ADARB2: variants seen among roughly 807,000 people sequenced by gnomAD.
ADARB2 encodes adenosine deaminase RNA specific B2 (inactive).
ADARB2 carries 25 observed loss-of-function variants against 62.2 expected under a neutral mutation model. The ratio of observed to expected loss-of-function variants is 0.40; its 90% CI spans 0.29 to 0.56. The LOEUF is 0.56. Among genes scored for constraint, ADARB2 ranks in the 20% least tolerant of loss-of-function variants. The pLI, the probability that ADARB2 is intolerant of heterozygous loss-of-function variation, is 0.43. For missense variants in ADARB2, 1,071 were observed against 1,077.4 expected (o/e 0.99, Z 0.08); for synonymous variants, 572 against 500.8 (o/e 1.14, Z -1.90).
At chr10:1,699,581 C>T in intron 1 of ADARB2, among the ~76,000 whole-genome samples, 4 of 138,736 alleles carry the variant, frequency 2.9e-5, no homozygotes, top group African/African-American at 1.1e-4. Context: ...CGCCAATACA[C>T]TCAATCCCAC....
rs1832407524 is a variant in ADARB2 at position 1,540,559 on chromosome 10, A to G, written c.101-161399T>C. Among the ~76,000 whole-genome samples, 2 of 75,154 alleles carry G rather than the reference A, an allele frequency of 2.7e-5. 1 individual carries two copies. Among genetic ancestry groups the G allele is most frequent in the East Asian group, 1.2e-3 (2 of 1,614 alleles). 49.3% of individuals were successfully genotyped at this position (75,154 alleles called of 152,430 possible). ...CAGACCCTGGATCACAGCCGTCCAG[A>G]CCCCACTCAGATGTAGTTCAGACCC... On this transcript the variant is annotated intron_variant, in intron 1 of 9. Transcript: ENST00000381312.
chr10:1,472,212 G>C (rs1350334429), intron 1 of ADARB2, among the ~76,000 whole-genome samples: 1 of 152,168 alleles, frequency 6.6e-6, no homozygotes, highest in Non-Finnish European at 1.5e-5. Flanking sequence ...TAGGGTCTCA[G>C]GAGGAGGTGC....
At chr10:1,687,270 C>T (rs926212146) in intron 1 of ADARB2, among the ~76,000 whole-genome samples, 2 of 152,162 alleles carry the variant, frequency 1.3e-5, no homozygotes, top group Non-Finnish European at 2.9e-5. Context: ...AAGTGATCCA[C>T]CCACCTCAGC....
At chr10:1,339,040 G>T (rs1356876143) in intron 3 of ADARB2, among the ~76,000 whole-genome samples, 1 of 152,198 alleles carries the variant, frequency 6.6e-6, no homozygotes, top group Non-Finnish European at 1.5e-5. Context: ...ATTTTGGTTG[G>T]ATAGGATGTA....
chr10:1,367,048 C>T (rs1343422026), intron 2 of ADARB2, among the ~76,000 whole-genome samples: 1 of 152,186 alleles, frequency 6.6e-6, no homozygotes, highest in Non-Finnish European at 1.5e-5. Flanking sequence ...GCCCCACGCT[C>T]CCCGCCCCTC....
At chr10:1,250,939 T>C (rs7100111) in intron 4 of ADARB2, among the ~76,000 whole-genome samples, 5,528 of 152,152 alleles carry the variant, frequency 0.036, 354 homozygotes, top group African/African-American at 0.13. Context: ...ACCCAACACG[T>C]GCAGGAATTT....
intron 2 of ADARB2, among the ~76,000 whole-genome samples, chr10:1,375,183 C>T (rs983650869): frequency 9.9e-5 from 15 of 152,216 alleles, no homozygotes; most frequent in Non-Finnish European, 1.5e-4. Context: ...GCCGGGCAGC[C>T]TTGGGCTCAG....
At chr10:1,597,749 A>G (rs1250249049) in intron 1 of ADARB2, among the ~76,000 whole-genome samples, 1 of 152,256 alleles carries the variant, frequency 6.6e-6, no homozygotes, top group East Asian at 1.9e-4. Flanking sequence ...ACTACCATTC[A>G]GTCCAGCAAT....
In ADARB2 at chr10:1,451,760, G is replaced by A. The variant is rs1021922302; in HGVS notation, c.101-72600C>T. On this transcript the variant is annotated intron_variant, in intron 1 of 9. Coordinates refer to ENST00000381312, the MANE Select transcript of ADARB2 (RefSeq NM_018702.4). Reference sequence around the variant, plus strand: ...GGAAGTATACCCGTATGAGGAGGAAGTACACCCATATGAGGAGGAAGTACA... The same window carrying A: ...GGAAGTATACCCGTATGAGGAGGAAATACACCCATATGAGGAGGAAGTACA... Among the ~76,000 whole-genome samples the A allele has an allele frequency of 2.0e-5, 3 of 152,198 alleles. No homozygotes were observed. The Middle Eastern group carries it at 0.01, about 518-fold the overall frequency.
At chr10:1,605,680 G>A (rs1416910129) in intron 1 of ADARB2, among the ~76,000 whole-genome samples, 1 of 152,140 alleles carries the variant, frequency 6.6e-6, no homozygotes, top group East Asian at 1.9e-4. Context: ...TATTGCCTGA[G>A]GAGGCAAAAC....
At position 1,242,180 on chromosome 10, in the gene ADARB2, G is replaced by T; in HGVS notation, c.1312C>A (p.Arg438=). 6.2e-7 allele frequency: 1 copy of T among 1,610,726 alleles called. No individual in the cohort carries two copies. Residue 438 remains arginine (R), a synonymous_variant, in exon 5 of 10, where the codon CGG becomes AGG. Transcript: ENST00000381312. ...TAGAGGAAGTGCAGGAACGCCCGCC[G>T]GGCCACGACCTCCGCGTGGCAGTCA... ...VNDCHAEVVA[R]RAFLHFLYTQ...
chr10:1,351,096 G>C (rs1038781210), intron 3 of ADARB2, among the ~76,000 whole-genome samples: 5 of 152,122 alleles, frequency 3.3e-5, no homozygotes, highest in Non-Finnish European at 5.9e-5. Flanking sequence ...TGTCCCATCT[G>C]TGCAGGACCC....
chr10:1,698,154 A>G (rs995421062), intron 1 of ADARB2, among the ~76,000 whole-genome samples: 1 of 152,200 alleles, frequency 6.6e-6, no homozygotes, highest in Non-Finnish European at 1.5e-5. Context: ...ACGTACCAAC[A>G]TGTTTAATCA....
chr10:1,226,422 C>G (rs532867411), intron 6 of ADARB2, among the ~76,000 whole-genome samples: 10 of 152,370 alleles, frequency 6.6e-5, no homozygotes, highest in Middle Eastern at 3.4e-3. Flanking sequence ...CAAAGTCATT[C>G]TCCATCCAGC....
intron 1 of ADARB2, among the ~76,000 whole-genome samples, chr10:1,732,244 A>G (rs1835242941): frequency 6.6e-6 from 1 of 151,600 alleles, no homozygotes; most frequent in Non-Finnish European, 1.5e-5. Flanking sequence ...TATATATCAT[A>G]CTATACAGAT....
chr10:1,243,776 C>G (rs1378322504), intron 4 of ADARB2, among the ~76,000 whole-genome samples: 1 of 152,222 alleles, frequency 6.6e-6, no homozygotes, highest in Non-Finnish European at 1.5e-5. Context: ...AGCGGTCTAG[C>G]ACAGCCCCCG....
intron 8 of ADARB2, among the ~76,000 whole-genome samples, chr10:1,186,903 T>C (rs1279852288): frequency 6.6e-6 from 1 of 152,208 alleles, no homozygotes; most frequent in Non-Finnish European, 1.5e-5. Context: ...GCACAGCTCA[T>C]AACACCTTCC....
chr10:1,262,480 G>T (rs1831151151), intron 4 of ADARB2, among the ~76,000 whole-genome samples: 1 of 152,022 alleles, frequency 6.6e-6, no homozygotes, highest in Non-Finnish European at 1.5e-5. Flanking sequence ...GCGAAGGTAT[G>T]AACAGACACT....
intron 3 of ADARB2, among the ~76,000 whole-genome samples, chr10:1,358,128 C>A (rs183390730): frequency 6.6e-6 from 1 of 152,198 alleles, no homozygotes; most frequent in Non-Finnish European, 1.5e-5. Context: ...AAAGAAGTGG[C>A]TTCATCTTGA....
Sources: gnomAD v4.1 joint callset for allele counts (sites outside exome capture counted in the v4.1 genomes callset) on GRCh38, gnomAD v4.1.1 for gene constraint, MANE v1.5 for transcripts, NCBI Gene and HGNC (gene_info 2026-07-23, HGNC 2026-07-21) for gene names.